Variants in RASA3 observed in about 807,000 individuals in gnomAD.
RASA3 encodes RAS p21 protein activator 3.
In RASA3, 73 loss-of-function variants were observed where a neutral mutation model predicts 110.0. The observed-to-expected ratio is 0.66, with a 90% confidence interval of 0.55 to 0.81. RASA3 has a LOEUF of 0.81. Among genes scored for constraint, RASA3 ranks in the 30% least tolerant of loss-of-function variants. RASA3 has a pLI of 0.00. For synonymous variants in RASA3, 500 were observed against 451.4 expected (o/e 1.11, Z -1.37); for missense variants, 976 against 1,113.2 (o/e 0.88, Z 1.75).
At chr13:114,024,190 T>A in intron 8 of RASA3, 89 bp downstream of exon 8, 1 of 1,226,178 alleles carries the variant, frequency 8.2e-7, no homozygotes, top group East Asian at 2.4e-5. Flanking sequence ...TTTCTATCTA[T>A]GACCCTATAT....
At chr13:114,016,409 G>A (rs2053793378) in intron 12 of RASA3, 138 bp from the exon 13 acceptor site, 9 of 685,100 alleles carry the variant, frequency 1.3e-5, no homozygotes, top group South Asian at 4.5e-5. Flanking sequence ...CCCCGAACCC[G>A]GCCACTGGCA....
In RASA3 at chr13:114,052,103, G is replaced by A; in HGVS notation, c.226C>T (p.Leu76=). The A allele has an allele frequency of 3.1e-6, 5 of 1,613,608 alleles. No homozygotes were observed. The highest frequency in any genetic ancestry group is 4.2e-6 in the Non-Finnish European group (5 of 1,179,802). ...YCEIPRSFRH[L]SFYIFDRDVF... ...TCTCTATCGAAAATGTAGAAGGACA[G>A]GTGACGAAAGCTCCGAGGAATTTCA... Residue 76 remains leucine (L), a synonymous_variant, in exon 3 of 24, where the codon CTG becomes TTG. Coordinates refer to ENST00000334062, the MANE Select transcript of RASA3 (RefSeq NM_007368.4).
intron 2 of RASA3, among the ~76,000 whole-genome samples, chr13:114,063,483 G>A (rs2079396884): frequency 6.6e-6 from 1 of 151,892 alleles, no homozygotes; most frequent in Admixed American, 6.6e-5. Flanking sequence ...AGATACGAAT[G>A]GAAATACGGA....
intron 22 of RASA3, 38 bp from the exon 23 acceptor site, chr13:113,981,896 C>T: frequency 6.3e-7 from 1 of 1,587,410 alleles, no homozygotes; most frequent in Non-Finnish European, 8.6e-7. Flanking sequence ...GGCAGGAGCC[C>T]AGGCCACCGG....
chr13:114,049,855 A>G (rs1457132014), intron 3 of RASA3, among the ~76,000 whole-genome samples: 1 of 152,266 alleles, frequency 6.6e-6, no homozygotes, highest in African/African-American at 2.4e-5. Context: ...TGGACACAGC[A>G]CAACAGGCAA....
At chr13:114,018,657 C>T (rs1406120856) in intron 10 of RASA3, 106 bp downstream of exon 10, 5 of 1,394,966 alleles carry the variant, frequency 3.6e-6, no homozygotes, top group Admixed American at 2.1e-5. Flanking sequence ...TGGGAAAGGC[C>T]CCCTCAGGGA....
At chr13:114,120,015 T>C (rs1388352341) in intron 1 of RASA3, among the ~76,000 whole-genome samples, 2 of 51,358 alleles carry the variant, frequency 3.9e-5, no homozygotes, top group Non-Finnish European at 3.5e-5. Flanking sequence ...CCCCCCCTCC[T>C]CTCTCCAGCC....
At chr13:114,076,783 G>A (rs2079692431) in intron 1 of RASA3, among the ~76,000 whole-genome samples, 1 of 152,102 alleles carries the variant, frequency 6.6e-6, no homozygotes, top group African/African-American at 2.4e-5. Context: ...TCGGACAGGG[G>A]CCCCTCCAGC....
At position 114,065,113 on chromosome 13, in the gene RASA3, G is replaced by A. The variant is rs192310578; in HGVS notation, c.173+8607C>T. 1.9e-4 allele frequency among the ~76,000 whole-genome samples: 29 copies of A among 152,358 alleles called. No homozygotes were observed. The East Asian group carries it at 4.8e-3, about 25-fold the overall frequency. On this transcript the variant is annotated intron_variant, in intron 2 of 23. Transcript: ENST00000334062. This position sits in a 1 kb window ranked among gnomAD's most constrained non-coding sequence, Gnocchi z 4.1. ...GACCTTTAAGTAGTGGCTCTGATGAGGGGAAACCATCTGAACTGAATTCCT... is the reference window on the plus strand; with the variant it reads ...GACCTTTAAGTAGTGGCTCTGATGAAGGGAAACCATCTGAACTGAATTCCT...
intron 1 of RASA3, among the ~76,000 whole-genome samples, chr13:114,125,257 C>A (rs2080429979): frequency 6.6e-6 from 1 of 152,146 alleles, no homozygotes; most frequent in African/African-American, 2.4e-5. Flanking sequence ...GCTGTTCTTG[C>A]ATTGCTATAA....
intron 21 of RASA3, among the ~76,000 whole-genome samples, chr13:113,995,674 G>T: frequency 9.9e-6 from 1 of 101,298 alleles, no homozygotes; most frequent in East Asian, 2.6e-4. Context: ...GGAGGACCCA[G>T]CTGATGGGGG....
intron 3 of RASA3, among the ~76,000 whole-genome samples, chr13:114,049,794 G>T (rs755513807): frequency 1.3e-5 from 2 of 152,220 alleles, no homozygotes; most frequent in Admixed American, 6.5e-5. Flanking sequence ...ACACAGGAGC[G>T]AGACACAGGC....
chr13:114,040,666 C>T (rs1189233023), intron 4 of RASA3, among the ~76,000 whole-genome samples: 3 of 149,926 alleles, frequency 2.0e-5, no homozygotes, highest in Non-Finnish European at 3.0e-5. Flanking sequence ...GCGCTCACTC[C>T]GAGCACAAGC....
intron 3 of RASA3, among the ~76,000 whole-genome samples, chr13:114,046,702 G>C (rs1490993180): frequency 6.6e-6 from 1 of 152,130 alleles, no homozygotes; most frequent in Non-Finnish European, 1.5e-5. Flanking sequence ...AATTTGGTTC[G>C]GTGTCCGAGC....
intron 1 of RASA3, among the ~76,000 whole-genome samples, chr13:114,076,141 C>T (rs2139680140): frequency 6.6e-6 from 1 of 152,348 alleles, no homozygotes; most frequent in South Asian, 2.1e-4. Flanking sequence ...CTCTCTGGGC[C>T]TCAAAGTCCT....
At chr13:114,099,454 G>T (rs151210648) in intron 1 of RASA3, among the ~76,000 whole-genome samples, 8 of 151,962 alleles carry the variant, frequency 5.3e-5, no homozygotes, top group East Asian at 1.9e-4. Context: ...GGCACATTTG[G>T]ATTCCCCGGG....
At chr13:114,079,337 C>T (rs1234815689) in intron 1 of RASA3, among the ~76,000 whole-genome samples, 1 of 152,202 alleles carries the variant, frequency 6.6e-6, no homozygotes, top group Admixed American at 6.5e-5. Context: ...CCAGCGAAAG[C>T]AACCCCGTCC....
intron 1 of RASA3, among the ~76,000 whole-genome samples, chr13:114,127,710 G>C (rs192193418): frequency 6.6e-6 from 1 of 152,272 alleles, no homozygotes; most frequent in Admixed American, 6.5e-5. Flanking sequence ...GAGTTGGAGA[G>C]TTGGAGACCA....
chr13:114,074,019 G>T (rs1041460076), intron 1 of RASA3, among the ~76,000 whole-genome samples, 182 bp from the exon 2 acceptor site: 1 of 152,184 alleles, frequency 6.6e-6, no homozygotes, highest in African/African-American at 2.4e-5. Flanking sequence ...GAAAGGCGAG[G>T]GACATGCACG....
Sources: allele counts gnomAD v4.1 joint callset (sites outside exome capture counted in the v4.1 genomes callset), GRCh38; gene constraint gnomAD v4.1.1; non-coding constraint Gnocchi (gnomAD v3.1); transcripts MANE v1.5; gene names NCBI Gene and HGNC (gene_info 2026-07-23, HGNC 2026-07-21).